FTO: variants seen among roughly 807,000 people sequenced by gnomAD.
The protein encoded by FTO is FTO alpha-ketoglutarate dependent dioxygenase, also known as alpha-ketoglutarate-dependent dioxygenase FTO.
FTO carries 47 observed loss-of-function variants against 63.9 expected under a neutral mutation model. That is an observed-to-expected ratio of 0.74 (90% CI 0.58 to 0.94). The LOEUF (loss-of-function observed/expected upper bound fraction) is 0.94, where lower values mean the gene tolerates loss of function less well. FTO is among the 40% of genes least tolerant of loss of function. The pLI, the probability that FTO is intolerant of heterozygous loss-of-function variation, is 0.00. For missense variants in FTO, 562 were observed against 618.1 expected (o/e 0.91, Z 0.96); for synonymous variants, 207 against 224.4 (o/e 0.92, Z 0.69).
chr16:53,831,750 G>A (rs1264938636), intron 3 of FTO, among the ~76,000 whole-genome samples: 3 of 152,184 alleles, frequency 2.0e-5, no homozygotes, highest in Admixed American at 6.5e-5. Flanking sequence ...CAGATTGGAC[G>A]GAGAGAATGA....
chr16:53,861,603 C>T (rs1267150415), intron 4 of FTO, among the ~76,000 whole-genome samples: 1 of 152,058 alleles, frequency 6.6e-6, no homozygotes, highest in African/African-American at 2.4e-5. Context: ...TTTTCTTATA[C>T]CCAATTTTCA....
At chr16:53,879,778 T>C in intron 5 of FTO, 66 bp from the exon 6 acceptor site, 1 of 1,583,314 alleles carries the variant, frequency 6.3e-7, no homozygotes, top group South Asian at 1.1e-5. Flanking sequence ...TGAACAATCC[T>C]AGGAAGGATG....
At chr16:53,940,284 A>G (rs1231748956) in intron 8 of FTO, among the ~76,000 whole-genome samples, 1 of 152,124 alleles carries the variant, frequency 6.6e-6, no homozygotes, top group East Asian at 1.9e-4. Flanking sequence ...TGCTTTTTCA[A>G]TCGGACATTT....
At chr16:53,704,332 C>G in intron 1 of FTO, 103 bp downstream of exon 1, 1 of 1,143,614 alleles carries the variant, frequency 8.7e-7, no homozygotes, top group South Asian at 1.3e-5. Flanking sequence ...CGGTGTTAAA[C>G]TAAGGGATGA....
In FTO at chr16:54,118,721, CA is replaced by C. The variant is rs1378734109; in HGVS notation, c.*6807del. ...CAGGTGATCACTGTCTTCGTGGTGC[CA>C]GTTTCAAGGGCACCCTTCTTCCCTT... On this transcript the variant is annotated 3_prime_UTR_variant, in exon 9 of 9. Coordinates refer to ENST00000471389, the MANE Select transcript of FTO (RefSeq NM_001080432.3). 1.3e-5 allele frequency: 2 copies of C among 152,080 alleles called. No individual in the cohort carries two copies. The highest frequency in any genetic ancestry group is 2.9e-5 in the Non-Finnish European group (2 of 68,054). 9.4% of individuals were successfully genotyped at this position (152,080 alleles called of 1,614,324 possible).
intron 8 of FTO, among the ~76,000 whole-genome samples, chr16:53,986,460 CT>C (rs1200915280): frequency 2.1e-4 from 32 of 152,148 alleles, no homozygotes; most frequent in African/African-American, 6.0e-4. Flanking sequence ...ACTCTGGATC[CT>C]TCTGACGGGC....
At chr16:53,712,362 T>G (rs1287874080) in intron 1 of FTO, among the ~76,000 whole-genome samples, 1 of 152,196 alleles carries the variant, frequency 6.6e-6, no homozygotes, top group Non-Finnish European at 1.5e-5. Context: ...CTACTCTGTT[T>G]TTTTTCCTTC....
At chr16:54,060,280 C>T (rs192680447) in intron 8 of FTO, among the ~76,000 whole-genome samples, 31 of 152,214 alleles carry the variant, frequency 2.0e-4, no homozygotes, top group South Asian at 4.2e-4. Context: ...TGGGTTCAAC[C>T]GAAAGACTCA....
At chr16:53,771,327 C>T (rs2077332584) in intron 1 of FTO, among the ~76,000 whole-genome samples, 1 of 152,188 alleles carries the variant, frequency 6.6e-6, no homozygotes, top group South Asian at 2.1e-4. Flanking sequence ...CCACATTTCA[C>T]CCATCAGCAA....
chr16:53,844,286 T>C lies in FTO; in HGVS notation c.883T>C (p.Tyr295His). 1 of 1,613,038 alleles carries C rather than the reference T, an allele frequency of 6.2e-7. No homozygotes were observed. ...LAIPLHQGDC[Y>H]FMLDDLNATH... is the part of the protein sequence containing the mutation. Reference sequence around the variant, plus strand: ...GATACCCCTTCACCAAGGAGACTGCTATTTCATGCTTGGTAATCTTTGGAA... The same window carrying C: ...GATACCCCTTCACCAAGGAGACTGCCATTTCATGCTTGGTAATCTTTGGAA... The change falls in exon 4 of 9, where the codon TAT (tyrosine) becomes CAT (histidine). Residue 295 changes from tyrosine to histidine, a missense_variant. Physicochemically the swap from Tyr to His is moderately conservative, Grantham distance 83 (BLOSUM62 2). Coordinates refer to ENST00000471389, the MANE Select transcript of FTO (RefSeq NM_001080432.3).
chr16:53,871,474 C>T (rs1393482583), intron 4 of FTO, among the ~76,000 whole-genome samples: 2 of 152,016 alleles, frequency 1.3e-5, no homozygotes, highest in Non-Finnish European at 2.9e-5. Context: ...TCAGATACTG[C>T]ATGTTTAACC....
chr16:54,117,745 A>G lies in FTO; in HGVS notation c.*5830A>G, dbSNP rs2086982831. 1 of 152,198 alleles carries G rather than the reference A, an allele frequency of 6.6e-6. No individual in the cohort carries two copies. The highest frequency in any genetic ancestry group is 2.1e-4 in the South Asian group (1 of 4,824). 9.4% of individuals were successfully genotyped at this position (152,198 alleles called of 1,614,324 possible). On this transcript the variant is annotated 3_prime_UTR_variant, in exon 9 of 9. Coordinates refer to ENST00000471389, the MANE Select transcript of FTO (RefSeq NM_001080432.3). ...TTTCTACAGTGGGAGTAGGTCACCC[A>G]TTGCAATTTTGGATTTGCTTAAAAA...
At chr16:54,087,524 C>T (rs1478962866) in intron 8 of FTO, among the ~76,000 whole-genome samples, 3 of 152,114 alleles carry the variant, frequency 2.0e-5, no homozygotes, top group Non-Finnish European at 4.4e-5. Context: ...GCAAAGGAGG[C>T]CAAGCACAGT....
At chr16:53,888,435 G>GGCCAATTTATTTT (rs2081063307) in intron 6 of FTO, among the ~76,000 whole-genome samples, 8 of 63,262 alleles carry the variant, frequency 1.3e-4, no homozygotes, top group South Asian at 4.3e-4. Context: ...CAATTTATTA[G>GGCCAATTTATTTT]TAGCTTGGCC....
chr16:53,844,116 A>C, intron 3 of FTO, 39 bp from the exon 4 acceptor site: 2 of 1,576,290 alleles, frequency 1.3e-6, no homozygotes, highest in Non-Finnish European at 1.7e-6. Flanking sequence ...AGCTTAGATT[A>C]AACATTTCCT....
At chr16:53,877,750 C>T (rs1358354478) in intron 5 of FTO, among the ~76,000 whole-genome samples, 2 of 151,618 alleles carry the variant, frequency 1.3e-5, no homozygotes. Flanking sequence ...AAACCTATCT[C>T]AAACTAGGCC....
At chr16:53,802,007 G>A (rs975424669) in intron 1 of FTO, among the ~76,000 whole-genome samples, 2 of 151,860 alleles carry the variant, frequency 1.3e-5, no homozygotes, top group African/African-American at 2.4e-5. Flanking sequence ...TTATCCACCC[G>A]CCCACCTCGG....
rs368401619 is a variant in FTO, at chr16:53,880,025, C to T, written c.1119+38C>T. The T allele has an allele frequency of 5.3e-5, 79 of 1,495,308 alleles. 1 individual carries two copies. The highest frequency in any genetic ancestry group is 1.3e-4 in the South Asian group (11 of 86,952). The allele number at this position is 1,495,308 out of a possible 1,614,324, so 92.6% of individuals were successfully genotyped here. A position where few individuals can be genotyped will look rare whatever the true frequency, so the allele number is the denominator to read the frequency against. ...TTTTTTTTTTTTTGAGATGGAGTCTCGCTCTGTCACCCAGGCTGGAGTGCA... is the reference window on the plus strand; with the variant it reads ...TTTTTTTTTTTTTGAGATGGAGTCTTGCTCTGTCACCCAGGCTGGAGTGCA... On this transcript the variant is annotated intron_variant, in intron 6 of 8. Transcript: ENST00000471389.
At chr16:53,994,710 T>G (rs1474406456) in intron 8 of FTO, among the ~76,000 whole-genome samples, 1 of 151,498 alleles carries the variant, frequency 6.6e-6, no homozygotes, top group Non-Finnish European at 1.5e-5. Context: ...ATTGTGCCCT[T>G]CCTTTCTGTC....
Sources: allele counts gnomAD v4.1 joint callset (sites outside exome capture counted in the v4.1 genomes callset), GRCh38; gene constraint gnomAD v4.1.1; transcripts MANE v1.5; gene names NCBI Gene and HGNC (gene_info 2026-07-23, HGNC 2026-07-21).